The following DSCAM variants were observed in gnomAD, a reference collection of about 807,000 sequenced individuals.
DSCAM encodes DS cell adhesion molecule.
Under a neutral mutation model 217.7 loss-of-function variants are expected in DSCAM, and 47 were observed. That is an observed-to-expected ratio of 0.22 (90% CI 0.17 to 0.28). The LOEUF (loss-of-function observed/expected upper bound fraction) is 0.28. DSCAM is among the 10% of genes least tolerant of loss of function. The pLI, the probability that DSCAM is intolerant of heterozygous loss-of-function variation, is 1.00. For missense variants in DSCAM, 2,080 were observed against 2,618.3 expected (o/e 0.79, Z 4.49); for synonymous variants, 1,056 against 1,015.3 (o/e 1.04, Z -0.76).
intron 1 of DSCAM, among the ~76,000 whole-genome samples, chr21:40,805,318 TG>T (rs2091776145): frequency 6.6e-6 from 1 of 152,224 alleles, no homozygotes; most frequent in African/African-American, 2.4e-5. Context: ...GGGTTCCTTC[TG>T]TTTGTTCATT....
At chr21:40,284,637 A>G (rs2073802852) in intron 10 of DSCAM, among the ~76,000 whole-genome samples, 1 of 152,228 alleles carries the variant, frequency 6.6e-6, no homozygotes, top group Non-Finnish European at 1.5e-5. Flanking sequence ...GAGAACTACA[A>G]ATCACTGCTT....
chr21:40,723,467 C>T (rs913054001), intron 1 of DSCAM, among the ~76,000 whole-genome samples: 1 of 152,178 alleles, frequency 6.6e-6, no homozygotes, highest in Admixed American at 6.5e-5. Flanking sequence ...ATCACACTGT[C>T]ATCAATGTTT....
intron 10 of DSCAM, among the ~76,000 whole-genome samples, chr21:40,294,194 C>G (rs1371685082): frequency 6.6e-6 from 1 of 152,290 alleles, no homozygotes; most frequent in Middle Eastern, 3.4e-3. Flanking sequence ...ATGTCAGTAA[C>G]ATCCAAGACA....
chr21:40,067,078 T>G (rs1483050697), intron 27 of DSCAM, among the ~76,000 whole-genome samples: 2 of 152,222 alleles, frequency 1.3e-5, no homozygotes. Context: ...TAGCCTAGCC[T>G]ATCTTCAACG....
intron 1 of DSCAM, among the ~76,000 whole-genome samples, chr21:40,766,657 A>C (rs1159239037): frequency 6.8e-6 from 1 of 147,248 alleles, no homozygotes; most frequent in Admixed American, 7.0e-5. Flanking sequence ...TAAAAAGACA[A>C]AACAACAATT....
intron 3 of DSCAM, among the ~76,000 whole-genome samples, chr21:40,524,821 C>G (rs926749832): frequency 3.3e-5 from 5 of 151,628 alleles, no homozygotes; most frequent in African/African-American, 7.3e-5. Context: ...CAAGCCTGAC[C>G]AACATGGTGA....
At chr21:40,499,439 T>C (rs1012976447) in intron 3 of DSCAM, among the ~76,000 whole-genome samples, 2 of 152,206 alleles carry the variant, frequency 1.3e-5, no homozygotes, top group African/African-American at 4.8e-5. Context: ...TATAGGATGA[T>C]AGCAGCCAGA....
intron 1 of DSCAM, among the ~76,000 whole-genome samples, chr21:40,756,495 G>A (rs1482388955): frequency 6.6e-6 from 1 of 151,972 alleles, no homozygotes; most frequent in Admixed American, 6.6e-5. Flanking sequence ...AGGTTCAAGT[G>A]ATTGTCCTGC....
chr21:40,572,981 G>C (rs1175701696), intron 3 of DSCAM, among the ~76,000 whole-genome samples: 1 of 152,098 alleles, frequency 6.6e-6, no homozygotes. Context: ...TGAAACACTT[G>C]CTAAGATGAA....
At position 40,692,841 on chromosome 21, in the gene DSCAM, T is replaced by C. The variant is rs1308743553; in HGVS notation, c.477A>G (p.Ser159=). ...SSVEAYITVV[S]WEKDTVSLVS... ...CAAGTGAAACAGTGTCTTTCTCCCATGAGACGACAGTGATGTACGCCTCCA... is the reference window on the plus strand; with the variant it reads ...CAAGTGAAACAGTGTCTTTCTCCCACGAGACGACAGTGATGTACGCCTCCA... The change falls in exon 3 of 33, where the codon TCA becomes TCG. Residue 159 remains serine (S), a synonymous_variant. Transcript: ENST00000400454. 4 of 1,613,580 alleles carry C rather than the reference T, an allele frequency of 2.5e-6. No individual in the cohort carries two copies. The highest frequency in any genetic ancestry group is 1.3e-5 in the African/African-American group (1 of 74,900).
At chr21:40,650,130 CT>C (rs985543405) in intron 3 of DSCAM, among the ~76,000 whole-genome samples, 15 of 151,512 alleles carry the variant, frequency 9.9e-5, no homozygotes, top group African/African-American at 3.6e-4. Flanking sequence ...CTTTTTTTTT[CT>C]TTTTTTAATT....
At chr21:40,089,860 G>A (rs1007358925) in intron 21 of DSCAM, among the ~76,000 whole-genome samples, 1 of 148,364 alleles carries the variant, frequency 6.7e-6, no homozygotes, top group Non-Finnish European at 1.5e-5. Flanking sequence ...AGCATGAAAA[G>A]TTGAACATTT....
chr21:40,687,801 A>G (rs751848772), intron 3 of DSCAM, among the ~76,000 whole-genome samples: 16 of 152,290 alleles, frequency 1.1e-4, no homozygotes, highest in Non-Finnish European at 2.1e-4. Flanking sequence ...TAACACCCCA[A>G]GAGGGACAGT....
At chr21:40,389,296 T>G (rs2075113556) in intron 3 of DSCAM, among the ~76,000 whole-genome samples, 1 of 152,214 alleles carries the variant, frequency 6.6e-6, no homozygotes, top group African/African-American at 2.4e-5. Flanking sequence ...TAAATTTTAA[T>G]TAGAGAATAT....
At chr21:40,463,653 TG>T (rs2075822579) in intron 3 of DSCAM, among the ~76,000 whole-genome samples, 2 of 152,280 alleles carry the variant, frequency 1.3e-5, no homozygotes, top group African/African-American at 4.8e-5. Context: ...GGTCCATCCT[TG>T]GTCCCCATGC....
chr21:40,423,148 G>A (rs947137610), intron 3 of DSCAM, among the ~76,000 whole-genome samples: 2 of 152,114 alleles, frequency 1.3e-5, no homozygotes, highest in African/African-American at 2.4e-5. Context: ...AGAAGGTATC[G>A]CCTGGGTAAT....
chr21:40,593,720 G>A (rs149589625), intron 3 of DSCAM, among the ~76,000 whole-genome samples: 193 of 152,296 alleles, frequency 1.3e-3, no homozygotes, highest in Middle Eastern at 3.4e-3. Context: ...GTTCCTCACT[G>A]TTATTTTACT....
rs189735241 is a variant in DSCAM at position 40,502,852 on chromosome 21, T to C, written c.509-133607A>G. ...AGGCATTTTTGGGGAGTCATAATTC[T>C]GCCTAACATATATATTAGTAATAAT... On this transcript the variant is annotated intron_variant, in intron 3 of 32. Transcript: ENST00000400454. Among the ~76,000 whole-genome samples, 179 of 152,304 alleles carry C rather than the reference T, an allele frequency of 1.2e-3. 2 individuals are homozygous for C. The highest frequency in any genetic ancestry group is 7.8e-4 in the Non-Finnish European group (53 of 68,024).
At chr21:40,401,429 A>G (rs915406708) in intron 3 of DSCAM, among the ~76,000 whole-genome samples, 38 of 152,298 alleles carry the variant, frequency 2.5e-4, no homozygotes, top group African/African-American at 8.9e-4. Flanking sequence ...AGCAGTGAAG[A>G]ATATAGTACA....
Sources: gnomAD v4.1 joint callset for allele counts (sites outside exome capture counted in the v4.1 genomes callset) on GRCh38, gnomAD v4.1.1 for gene constraint, MANE v1.5 for transcripts, NCBI Gene and HGNC (gene_info 2026-07-23, HGNC 2026-07-21) for gene names.